ZSCAN25: variants seen among roughly 807,000 people sequenced by gnomAD.
ZSCAN25 encodes zinc finger and SCAN domain-containing protein 25.
A neutral mutation model predicts 38.7 loss-of-function variants in ZSCAN25; 27 were observed. The ratio of observed to expected loss-of-function variants is 0.70; its 90% CI spans 0.51 to 0.96. ZSCAN25 has a LOEUF of 0.96. ZSCAN25 is among the 40% of genes least tolerant of loss of function. The probability of loss-of-function intolerance (pLI) is 0.00; values close to 1 mark genes in which losing one functional copy is unlikely to be tolerated. For synonymous variants in ZSCAN25, 273 were observed against 277.7 expected (o/e 0.98, Z 0.17); for missense variants, 637 against 705.9 (o/e 0.90, Z 1.11).
the ZSCAN25 span, among the ~76,000 whole-genome samples, chr7:99,714,878 C>T: frequency 6.6e-6 from 1 of 152,284 alleles, no homozygotes; most frequent in Non-Finnish European, 1.5e-5. Flanking sequence ...ATAGGGACCA[C>T]CACTACAGCA....
chr7:99,674,332 AT>A, the ZSCAN25 span: 1 of 439,148 alleles, frequency 2.3e-6, no homozygotes, highest in Non-Finnish European at 4.1e-6. Context: ...GAATTTGCAC[AT>A]AGTTTATAAC....
At chr7:99,718,234 G>A in the ZSCAN25 span, among the ~76,000 whole-genome samples, 5 of 152,122 alleles carry the variant, frequency 3.3e-5, no homozygotes, top group South Asian at 6.2e-4. Flanking sequence ...TAACAAACCT[G>A]CACGTTGTGC....
At chr7:99,717,749 T>A in the ZSCAN25 span, 1 of 1,363,038 alleles carries the variant, frequency 7.3e-7, no homozygotes, top group Non-Finnish European at 1.0e-6. Context: ...TTAGTGACTG[T>A]CTACTAAGTG....
the ZSCAN25 span, among the ~76,000 whole-genome samples, chr7:99,733,505 C>T: frequency 1.3e-5 from 2 of 152,238 alleles, no homozygotes; most frequent in Non-Finnish European, 2.9e-5. Context: ...TACACTATAG[C>T]TTCTGAATCC....
chr7:99,626,852 G>A (rs1323470327), intron 7 of ZSCAN25, among the ~76,000 whole-genome samples: 2 of 152,178 alleles, frequency 1.3e-5, no homozygotes, highest in Non-Finnish European at 2.9e-5. Context: ...GAGGTTAATT[G>A]ATTTTCCCAT....
At chr7:99,626,958 C>G (rs1807524087) in intron 7 of ZSCAN25, among the ~76,000 whole-genome samples, 1 of 152,204 alleles carries the variant, frequency 6.6e-6, no homozygotes, top group Non-Finnish European at 1.5e-5. Flanking sequence ...CTCCCAGTGT[C>G]TCTGTTTATA....
the ZSCAN25 span, chr7:99,685,190 G>T: frequency 6.2e-7 from 1 of 1,613,458 alleles, no homozygotes; most frequent in Non-Finnish European, 8.5e-7. Flanking sequence ...AGAACAATGG[G>T]TTTTTCTGGT....
the ZSCAN25 span, among the ~76,000 whole-genome samples, chr7:99,680,905 C>G: frequency 6.6e-6 from 1 of 152,152 alleles, no homozygotes; most frequent in East Asian, 1.9e-4. Context: ...CCAGTTTGTG[C>G]CTCTCATCTA....
downstream of ZSCAN25, among the ~76,000 whole-genome samples, chr7:99,633,016 C>T (rs1252052514): frequency 2.4e-5 from 3 of 124,334 alleles, no homozygotes; most frequent in African/African-American, 7.2e-5. Context: ...GCTGGAGTCT[C>T]GCTCTGTTGC....
chr7:99,660,539 T>C, the ZSCAN25 span: 2 of 1,613,834 alleles, frequency 1.2e-6, no homozygotes, highest in East Asian at 4.5e-5. Context: ...TTGCAGTTTC[T>C]GCTGGACATC....
At chr7:99,711,817 A>G in the ZSCAN25 span, among the ~76,000 whole-genome samples, 1 of 152,110 alleles carries the variant, frequency 6.6e-6, no homozygotes, top group Admixed American at 6.6e-5. Flanking sequence ...GAAATGCAAA[A>G]TCTCAAACCC....
chr7:99,635,200 T>C (rs1340027898), downstream of ZSCAN25, among the ~76,000 whole-genome samples: 1 of 151,912 alleles, frequency 6.6e-6, no homozygotes, highest in East Asian at 1.9e-4. Context: ...TGCATATTAG[T>C]GCTTTACTAA....
chr7:99,632,427 C>G, downstream of ZSCAN25: 1 of 296,516 alleles, frequency 3.4e-6, no homozygotes, highest in South Asian at 1.3e-4. Flanking sequence ...CTGTCCACTC[C>G]TTCCTCCCCG....
chr7:99,628,594 AT>A (rs1021491118), intron 7 of ZSCAN25, among the ~76,000 whole-genome samples: 3 of 152,210 alleles, frequency 2.0e-5, no homozygotes, highest in African/African-American at 7.2e-5. Flanking sequence ...TGCTTCATTC[AT>A]TCAGCCAGCA....
chr7:99,636,046 C>CAAAAAAAAAAAAA, downstream of ZSCAN25, among the ~76,000 whole-genome samples: 1 of 43,406 alleles, frequency 2.3e-5, no homozygotes, highest in Non-Finnish European at 5.4e-5. Context: ...GACTCCATCT[C>CAAAAAAAAAAAAA]AAAAAAAAAA....
At position 99,631,064 on chromosome 7, in the gene ZSCAN25, T is replaced by C. The variant is rs1162340450; in HGVS notation, c.*1044T>C. On this transcript the variant is annotated 3_prime_UTR_variant, in exon 8 of 8. Coordinates refer to ENST00000394152, the MANE Select transcript of ZSCAN25 (RefSeq NM_145115.3). ...GCTTGAGACACATCCATGAATAAAA[T>C]AGGGGGAGAAGCTGTTGACCTCGTA... 2.0e-6 allele frequency: 2 copies of C among 983,398 alleles called. No individual in the cohort carries two copies. The highest frequency in any genetic ancestry group is 2.4e-6 in the Non-Finnish European group (2 of 828,214). 60.9% of individuals were successfully genotyped at this position (983,398 alleles called of 1,614,324 possible). A position where few individuals can be genotyped will look rare whatever the true frequency, so the allele number is the denominator to read the frequency against.
the ZSCAN25 span, among the ~76,000 whole-genome samples, chr7:99,670,707 T>C: frequency 6.6e-6 from 1 of 152,224 alleles, no homozygotes; most frequent in Non-Finnish European, 1.5e-5. Flanking sequence ...ACCTTGTTCA[T>C]GTCATTGCTT....
Position 99,631,224 on chromosome 7 carries a change from G to A in ZSCAN25, c.*1204G>A, listed in dbSNP as rs1807975456. ...GTCACCTACCTCTTGTTACTAAATGGTCTCTGCCCTCCAGACCCTTGTCAT... is the reference window on the plus strand; with the variant it reads ...GTCACCTACCTCTTGTTACTAAATGATCTCTGCCCTCCAGACCCTTGTCAT... On this transcript the variant is annotated 3_prime_UTR_variant, in exon 8 of 8. Transcript: ENST00000394152. 1.0e-6 allele frequency: 1 copy of A among 985,334 alleles called. No individual in the cohort carries two copies. Among genetic ancestry groups the A allele is most frequent in the Middle Eastern group, 5.2e-4 (1 of 1,912 alleles). 61.0% of individuals were successfully genotyped at this position (985,334 alleles called of 1,614,324 possible). A position where few individuals can be genotyped will look rare whatever the true frequency, so the allele number is the denominator to read the frequency against.
At chr7:99,678,090 A>G in the ZSCAN25 span, among the ~76,000 whole-genome samples, 1 of 152,206 alleles carries the variant, frequency 6.6e-6, no homozygotes, top group Non-Finnish European at 1.5e-5. Flanking sequence ...GGCCTGGTCT[A>G]CACTGCATTT....
Sources: allele counts gnomAD v4.1 joint callset (sites outside exome capture counted in the v4.1 genomes callset), GRCh38; gene constraint gnomAD v4.1.1; transcripts MANE v1.5; gene names NCBI Gene and HGNC (gene_info 2026-07-23, HGNC 2026-07-21).